SRGAP1: variants seen among roughly 807,000 people sequenced by gnomAD.
The protein encoded by SRGAP1 is SLIT-ROBO Rho GTPase-activating protein 1.
In SRGAP1, 43 loss-of-function variants were observed where a neutral mutation model predicts 121.9. The observed-to-expected ratio is 0.35, with a 90% CI of 0.28 to 0.46. SRGAP1 has a LOEUF of 0.46. Among genes scored for constraint, SRGAP1 ranks in the 20% least tolerant of loss-of-function variants. The pLI is 1.00. For missense variants in SRGAP1, 1,102 were observed against 1,350.9 expected (o/e 0.82, Z 2.89); for synonymous variants, 447 against 485.4 (o/e 0.92, Z 1.04).
chr12:63,931,993 A>G (rs1051198358), intron 1 of SRGAP1, among the ~76,000 whole-genome samples: 1 of 152,226 alleles, frequency 6.6e-6, no homozygotes, highest in African/African-American at 2.4e-5. Context: ...TGTCAGTCCA[A>G]AGAGTTTGGA....
At chr12:63,881,333 A>G (rs1442008859) in intron 1 of SRGAP1, among the ~76,000 whole-genome samples, 1 of 152,220 alleles carries the variant, frequency 6.6e-6, no homozygotes, top group Non-Finnish European at 1.5e-5. Flanking sequence ...GGCTATCAGA[A>G]TTTCACCTGC....
Position 63,849,860 on chromosome 12 carries a change from C to T in SRGAP1, c.67+4977C>T, listed in dbSNP as rs563361289. On this transcript the variant is annotated intron_variant, in intron 1 of 21. Coordinates refer to ENST00000355086, the MANE Select transcript of SRGAP1 (RefSeq NM_020762.4). ...ACCCAGGTTATCTTCTTTTCAGTAGCGATAATTCACTTGTAGATTCCTCAC... is the reference window on the plus strand; with the variant it reads ...ACCCAGGTTATCTTCTTTTCAGTAGTGATAATTCACTTGTAGATTCCTCAC... Among the ~76,000 whole-genome samples, 13 of 152,174 alleles carry T rather than the reference C, an allele frequency of 8.5e-5. No individual in the cohort carries two copies. The South Asian group carries it at 1.7e-3, about 19-fold the overall frequency.
At chr12:63,867,204 A>G (rs1330971346) in intron 1 of SRGAP1, among the ~76,000 whole-genome samples, 1 of 152,222 alleles carries the variant, frequency 6.6e-6, no homozygotes, top group African/African-American at 2.4e-5. Flanking sequence ...AACAGTGGTT[A>G]GTGATGTGAA....
Position 64,023,643 on chromosome 12 carries a change from A to G in SRGAP1, c.489+6631A>G, listed in dbSNP as rs573855931. Among the ~76,000 whole-genome samples, 374 of 152,350 alleles carry G rather than the reference A, an allele frequency of 2.5e-3. 1 individual carries two copies. The highest frequency in any genetic ancestry group is 8.6e-3 in the African/African-American group (357 of 41,582). On this transcript the variant is annotated intron_variant, in intron 4 of 21. Transcript: ENST00000355086. ...GATTGTTAATTGTGTGTAATTGATT[A>G]TCACACTCTCTATGCATCAGCAGCA...
At chr12:63,996,072 C>G (rs1228623673) in intron 3 of SRGAP1, among the ~76,000 whole-genome samples, 1 of 150,826 alleles carries the variant, frequency 6.6e-6, no homozygotes, top group Non-Finnish European at 1.5e-5. Flanking sequence ...AACTACCAAT[C>G]TCTATATGTG....
intron 1 of SRGAP1, among the ~76,000 whole-genome samples, chr12:63,885,336 A>G (rs1189116612): frequency 1.3e-5 from 2 of 152,184 alleles, no homozygotes; most frequent in African/African-American, 4.8e-5. Flanking sequence ...TACAAAGGAT[A>G]CAGATGAAGA....
At position 64,142,525 on chromosome 12, in the gene SRGAP1, T is replaced by C; in HGVS notation, c.3111T>C (p.Thr1037=). The change falls in exon 22 of 22, where the codon ACT becomes ACC. Residue 1037 remains threonine, a synonymous_variant. Transcript: ENST00000355086. ...STSSSSDTMS[T]FKPMVAPRMG... ...GCTCCTCCAGTGACACAATGAGTAC[T>C]TTCAAGCCTATGGTGGCACCCAGAA... The C allele has an allele frequency of 6.2e-7, 1 of 1,614,222 alleles. No homozygotes were observed. Among genetic ancestry groups the C allele is most frequent in the Non-Finnish European group, 8.5e-7 (1 of 1,180,052 alleles).
In SRGAP1 at chr12:64,158,507, T is replaced by G. The variant is rs1214220224; in HGVS notation, c.*15835T>G. On this transcript the variant is annotated 3_prime_UTR_variant, in exon 22 of 22. Transcript: ENST00000355086. ...AAAATCAGTATTGATTGGATTATGC[T>G]TTGATAAAAATGTAACTTCATTTAA... 1.3e-5 allele frequency: 2 copies of G among 152,242 alleles called. No individual in the cohort carries two copies. The highest frequency in any genetic ancestry group is 1.3e-4 in the Admixed American group (2 of 15,290). 9.4% of individuals were successfully genotyped at this position (152,242 alleles called of 1,614,324 possible).
intron 1 of SRGAP1, among the ~76,000 whole-genome samples, chr12:63,958,357 C>T (rs1334175029): frequency 1.3e-5 from 2 of 152,176 alleles, no homozygotes; most frequent in African/African-American, 4.8e-5. Context: ...CTGTCCCTCC[C>T]TTCTCACTCC....
chr12:64,014,250 A>G (rs1282771313), intron 3 of SRGAP1, among the ~76,000 whole-genome samples: 1 of 152,200 alleles, frequency 6.6e-6, no homozygotes, highest in Non-Finnish European at 1.5e-5. Flanking sequence ...TTTAAGCATT[A>G]TATTATACTG....
chr12:64,003,160 A>G (rs1411736342), intron 3 of SRGAP1, among the ~76,000 whole-genome samples: 3 of 152,082 alleles, frequency 2.0e-5, no homozygotes, highest in Non-Finnish European at 4.4e-5. Flanking sequence ...ATCATGGCTC[A>G]CTGTAGCCTT....
At chr12:63,909,954 T>C (rs1482323801) in intron 1 of SRGAP1, among the ~76,000 whole-genome samples, 3 of 152,240 alleles carry the variant, frequency 2.0e-5, no homozygotes, top group African/African-American at 7.2e-5. Flanking sequence ...TCTGCTTTAC[T>C]TAAAGTCAAC....
intron 21 of SRGAP1, among the ~76,000 whole-genome samples, chr12:64,138,981 A>C (rs2036910209): frequency 6.6e-6 from 1 of 152,218 alleles, no homozygotes; most frequent in African/African-American, 2.4e-5. Flanking sequence ...TTCCTAAAAA[A>C]TTTAACACCA....
chr12:63,868,017 G>T, intron 1 of SRGAP1, among the ~76,000 whole-genome samples: 1 of 120,942 alleles, frequency 8.3e-6, no homozygotes, highest in Non-Finnish European at 1.7e-5. Context: ...AATCTCAAGG[G>T]CTGATAAATT....
chr12:64,043,729 G>A, intron 6 of SRGAP1, 154 bp downstream of exon 6: 2 of 546,024 alleles, frequency 3.7e-6, no homozygotes, highest in Non-Finnish European at 6.1e-6. Context: ...TCCGTAATAT[G>A]AAGACACTAT....
At chr12:64,004,834 A>G (rs1269704098) in intron 3 of SRGAP1, among the ~76,000 whole-genome samples, 1 of 152,228 alleles carries the variant, frequency 6.6e-6, no homozygotes, top group African/African-American at 2.4e-5. Context: ...AAGCAACCTA[A>G]GAACAGTATT....
chr12:64,017,735 AT>A (rs1239732200), intron 4 of SRGAP1, among the ~76,000 whole-genome samples: 1 of 151,118 alleles, frequency 6.6e-6, no homozygotes, highest in African/African-American at 2.4e-5. Context: ...TTTTTCCCAC[AT>A]TTTAGTTCAA....
Position 64,078,982 on chromosome 12 carries a change from G to A in SRGAP1, c.1189G>A (p.Asp397Asn). 1 of 1,614,130 alleles carries A rather than the reference G, an allele frequency of 6.2e-7. No homozygotes were observed. Residue 397 changes from aspartate to asparagine, a missense_variant, in exon 9 of 22, where the codon GAT becomes AAT. Coordinates refer to ENST00000355086, the MANE Select transcript of SRGAP1 (RefSeq NM_020762.4). Reference sequence around the variant, plus strand: ...AGATATGGTCACCATCGAGGACTATGATGTTTCTGAATGCTTCCAGCACAG... The same window carrying A: ...AGATATGGTCACCATCGAGGACTATAATGTTTCTGAATGCTTCCAGCACAG... The part of the protein sequence containing the change: ...IQDMVTIEDY[D>N]VSECFQHSRS...
At chr12:64,131,858 A>G (rs571024855) in intron 21 of SRGAP1, among the ~76,000 whole-genome samples, 10 of 152,348 alleles carry the variant, frequency 6.6e-5, no homozygotes, top group African/African-American at 2.4e-4. Context: ...AAAGCCCAGT[A>G]ACAGGCCAAG....
Sources: gnomAD v4.1 joint callset for allele counts (sites outside exome capture counted in the v4.1 genomes callset) on GRCh38, gnomAD v4.1.1 for gene constraint, MANE v1.5 for transcripts, NCBI Gene and HGNC (gene_info 2026-07-23, HGNC 2026-07-21) for gene names.